Variants in RGS7 observed in about 807,000 individuals in gnomAD.
RGS7 encodes regulator of G protein signaling 7.
A neutral mutation model predicts 81.1 loss-of-function variants in RGS7; 27 were observed. That is an observed-to-expected ratio of 0.33 (90% CI 0.25 to 0.46). RGS7 has a LOEUF of 0.46. Among genes scored for constraint, RGS7 ranks in the 20% least tolerant of loss-of-function variants. RGS7 has a pLI of 1.00. For missense variants in RGS7, 396 were observed against 607.4 expected (o/e 0.65, Z 3.66); for synonymous variants, 208 against 207.7 (o/e 1.00, Z -0.01).
intron 3 of RGS7, among the ~76,000 whole-genome samples, chr1:241,096,762 T>A (rs2064284449): frequency 6.6e-6 from 1 of 152,128 alleles, no homozygotes. Flanking sequence ...TCCACTAGAG[T>A]GGGTATCACA....
At chr1:240,812,175 T>G in intron 13 of RGS7, 132 bp from the exon 14 acceptor site, 2 of 875,464 alleles carry the variant, frequency 2.3e-6, no homozygotes, top group Non-Finnish European at 1.8e-6. Context: ...AATATATATA[T>G]CCGATTAACG....
chr1:241,320,359 A>G (rs75535037), intron 2 of RGS7, among the ~76,000 whole-genome samples: 2,384 of 152,292 alleles, frequency 0.016, 62 homozygotes, highest in African/African-American at 0.054. Context: ...CCCTCAATGA[A>G]TTTATCAACA....
intron 6 of RGS7, among the ~76,000 whole-genome samples, chr1:240,899,513 G>A (rs1006983493): frequency 5.3e-5 from 8 of 152,148 alleles, no homozygotes; most frequent in Non-Finnish European, 7.3e-5. Flanking sequence ...TTGCTTGTCC[G>A]TAAAGGATTT....
chr1:240,791,503 T>A (rs538045557), intron 18 of RGS7, among the ~76,000 whole-genome samples: 1 of 152,348 alleles, frequency 6.6e-6, no homozygotes, highest in African/African-American at 2.4e-5. Flanking sequence ...TTTAGTGTCA[T>A]TGCTTTCTGG....
chr1:240,809,950 T>C (rs775242786), intron 14 of RGS7, among the ~76,000 whole-genome samples: 4 of 152,172 alleles, frequency 2.6e-5, no homozygotes, highest in Non-Finnish European at 5.9e-5. Context: ...TAGTACGGCA[T>C]AGAATGATTA....
At chr1:241,246,259 G>A (rs973280623) in intron 2 of RGS7, among the ~76,000 whole-genome samples, 1 of 152,096 alleles carries the variant, frequency 6.6e-6, no homozygotes, top group Non-Finnish European at 1.5e-5. Context: ...GAGTCTGCTT[G>A]AGGGTGAGAT....
At chr1:241,035,461 G>A (rs570696818) in intron 3 of RGS7, among the ~76,000 whole-genome samples, 9 of 152,092 alleles carry the variant, frequency 5.9e-5, no homozygotes, top group South Asian at 4.1e-4. Flanking sequence ...GAAACATTTC[G>A]GAACTGGGAT....
At chr1:241,029,496 G>T (rs2148722248) in intron 3 of RGS7, among the ~76,000 whole-genome samples, 1 of 152,256 alleles carries the variant, frequency 6.6e-6, no homozygotes, top group African/African-American at 2.4e-5. Flanking sequence ...AGAACCTTTT[G>T]TTGCCCTTTG....
chr1:240,855,308 C>CAAAAAGAAAAA (rs1553325902), intron 9 of RGS7, among the ~76,000 whole-genome samples: 1 of 14,922 alleles, frequency 6.7e-5, no homozygotes, highest in African/African-American at 1.8e-4. Context: ...GACCATGTCT[C>CAAAAAGAAAAA]AAAAAAAAAA....
intron 2 of RGS7, among the ~76,000 whole-genome samples, chr1:241,159,321 T>C (rs187586055): frequency 8.4e-4 from 128 of 152,270 alleles, no homozygotes; most frequent in African/African-American, 2.9e-3. Flanking sequence ...CTAAAGCCCT[T>C]ACTCCTCCTA....
intron 3 of RGS7, among the ~76,000 whole-genome samples, chr1:241,089,057 C>A (rs866939585): frequency 1.9e-3 from 91 of 48,510 alleles, no homozygotes; most frequent in Non-Finnish European, 2.7e-3. Flanking sequence ...CTCTCTCTCT[C>A]TCTCTCTATA....
At chr1:240,954,400 A>G (rs1680018973) in intron 4 of RGS7, among the ~76,000 whole-genome samples, 1 of 152,108 alleles carries the variant, frequency 6.6e-6, no homozygotes, top group Non-Finnish European at 1.5e-5. Context: ...ATACACCACA[A>G]CCAAAGGGAC....
chr1:241,141,757 C>A (rs887496520), intron 2 of RGS7, among the ~76,000 whole-genome samples: 1 of 152,164 alleles, frequency 6.6e-6, no homozygotes, highest in Non-Finnish European at 1.5e-5. Flanking sequence ...GGGATACAGA[C>A]AAACCATATC....
Position 240,794,348 on chromosome 1 carries a change from CACTT to C in RGS7, c.*6+6289_*6+6292del, listed in dbSNP as rs201212296. ...CCACAAAGAGTATCACATAACCTGA[CACTT>C]AGTCAAAACTTACTACCTGTTGATG... is the stretch of plus-strand genomic sequence containing the variant. On this transcript the variant is annotated intron_variant, in intron 18 of 18. Transcript: ENST00000440928. Among the ~76,000 whole-genome samples the C allele has an allele frequency of 7.6e-3, 1,157 of 152,216 alleles. 36 individuals are homozygous for C. The highest frequency in any genetic ancestry group is 0.067 in the Admixed American group (1,030 of 15,284).
intron 3 of RGS7, among the ~76,000 whole-genome samples, chr1:241,028,442 G>C (rs932754576): frequency 6.6e-6 from 1 of 152,184 alleles, no homozygotes; most frequent in Non-Finnish European, 1.5e-5. Flanking sequence ...TGCAGTGAGG[G>C]AGGACACAGA....
At chr1:241,063,778 T>C (rs2061876428) in intron 3 of RGS7, among the ~76,000 whole-genome samples, 1 of 151,974 alleles carries the variant, frequency 6.6e-6, no homozygotes, top group Non-Finnish European at 1.5e-5. Flanking sequence ...AAAATGATGG[T>C]GATATTATAA....
At chr1:241,108,065 C>T (rs868187204) in intron 2 of RGS7, among the ~76,000 whole-genome samples, 7 of 152,020 alleles carry the variant, frequency 4.6e-5, no homozygotes, top group South Asian at 2.1e-4. Flanking sequence ...GATGCCGAGG[C>T]GGGTGGATCA....
At chr1:241,004,627 A>G (rs745645720) in intron 3 of RGS7, among the ~76,000 whole-genome samples, 15 of 152,194 alleles carry the variant, frequency 9.9e-5, no homozygotes, top group African/African-American at 1.7e-4. Flanking sequence ...TCGAGTCAAC[A>G]AAGTCTGGAA....
At chr1:240,889,921 A>G (rs1305510519) in intron 6 of RGS7, among the ~76,000 whole-genome samples, 1 of 152,140 alleles carries the variant, frequency 6.6e-6, no homozygotes, top group Non-Finnish European at 1.5e-5. Context: ...TGCTACCAAG[A>G]AGGTACAAAA....
Sources: allele counts gnomAD v4.1 joint callset (sites outside exome capture counted in the v4.1 genomes callset), GRCh38; gene constraint gnomAD v4.1.1; transcripts MANE v1.5; gene names NCBI Gene and HGNC (gene_info 2026-07-23, HGNC 2026-07-21).